The following MYBL2 variants were observed in gnomAD, a reference collection of about 807,000 sequenced individuals.
MYBL2 encodes the protein myb-related protein B.
A neutral mutation model predicts 79.9 loss-of-function variants in MYBL2; 28 were observed. The observed-to-expected ratio is 0.35, with a 90% CI of 0.26 to 0.48. The LOEUF (loss-of-function observed/expected upper bound fraction) is 0.48, where lower values mean the gene tolerates loss of function less well. MYBL2 is among the 20% of genes least tolerant of loss of function. MYBL2 has a pLI of 0.99. For missense variants in MYBL2, 735 were observed against 893.9 expected (o/e 0.82, Z 2.27); for synonymous variants, 378 against 361.2 (o/e 1.05, Z -0.53).
chr20:43,686,454 T>C (rs887830643), intron 4 of MYBL2, among the ~76,000 whole-genome samples: 1 of 152,162 alleles, frequency 6.6e-6, no homozygotes, highest in African/African-American at 2.4e-5. Context: ...AAAGTCTGTT[T>C]CCCACCTTTA....
intron 2 of MYBL2, among the ~76,000 whole-genome samples, chr20:43,679,329 G>A (rs1028057797): frequency 1.3e-5 from 2 of 152,172 alleles, no homozygotes; most frequent in Non-Finnish European, 2.9e-5. Flanking sequence ...AAATTTGTAT[G>A]TGTGACAAAA....
chr20:43,700,743 G>T (rs1987659806), intron 7 of MYBL2, among the ~76,000 whole-genome samples: 1 of 152,150 alleles, frequency 6.6e-6, no homozygotes, highest in Admixed American at 6.5e-5. Context: ...TTAACATACA[G>T]TCTGCGTGGT....
intron 6 of MYBL2, among the ~76,000 whole-genome samples, chr20:43,694,473 A>C (rs1404838406): frequency 6.6e-6 from 1 of 152,202 alleles, no homozygotes; most frequent in African/African-American, 2.4e-5. Flanking sequence ...CATGGTGTGA[A>C]CTATTTAATA....
chr20:43,690,291 C>T (rs1379427315), intron 5 of MYBL2, among the ~76,000 whole-genome samples: 3 of 151,844 alleles, frequency 2.0e-5, no homozygotes, highest in Non-Finnish European at 2.9e-5. Context: ...CTGCAACCTC[C>T]GCGTCCCAGG....
In MYBL2 at chr20:43,702,822, C is replaced by A. The variant is rs1316318814; in HGVS notation, c.1284C>A (p.Thr428=). ...VALSPVTENS[T]SLSFLDSCNS... is the part of the protein sequence containing the mutation. ...TGTCCCCTGTCACTGAGAATAGCAC[C>A]AGTCTGTCCTTCCTGGATTCCTGTA... Residue 428 remains threonine (T), a synonymous_variant, in exon 8 of 14, where the codon ACC becomes ACA. Transcript: ENST00000217026. The A allele has an allele frequency of 6.2e-7, 1 of 1,613,984 alleles. No individual in the cohort carries two copies. The highest frequency in any genetic ancestry group is 8.5e-7 in the Non-Finnish European group (1 of 1,179,866).
At chr20:43,691,442 C>T (rs1232690853) in intron 5 of MYBL2, among the ~76,000 whole-genome samples, 2 of 152,096 alleles carry the variant, frequency 1.3e-5, no homozygotes, top group African/African-American at 4.8e-5. Flanking sequence ...ATGCCTCAGA[C>T]TCCCAAGTAG....
At chr20:43,710,486 C>T (rs1196523645) in intron 10 of MYBL2, among the ~76,000 whole-genome samples, 1 of 152,216 alleles carries the variant, frequency 6.6e-6, no homozygotes, top group Non-Finnish European at 1.5e-5. Flanking sequence ...GGACGTCTTT[C>T]CTGCAGTGTG....
At chr20:43,684,000 C>T (rs971673962) in intron 4 of MYBL2, among the ~76,000 whole-genome samples, 2 of 152,050 alleles carry the variant, frequency 1.3e-5, no homozygotes, top group African/African-American at 4.8e-5. Flanking sequence ...ATAATCACGG[C>T]TCATTGCAGC....
intron 6 of MYBL2, among the ~76,000 whole-genome samples, chr20:43,699,436 A>G (rs1987631730): frequency 6.6e-6 from 1 of 152,206 alleles, no homozygotes; most frequent in African/African-American, 2.4e-5. Context: ...ACATAACCAC[A>G]ATAAAGTTAT....
chr20:43,689,357 T>C (rs1224183753), intron 5 of MYBL2, among the ~76,000 whole-genome samples: 1 of 152,160 alleles, frequency 6.6e-6, no homozygotes, highest in East Asian at 1.9e-4. Flanking sequence ...ACACTTGGGT[T>C]GGAAACTCTG....
chr20:43,680,618 C>A (rs1286799429), intron 2 of MYBL2, among the ~76,000 whole-genome samples: 1 of 152,122 alleles, frequency 6.6e-6, no homozygotes, highest in East Asian at 1.9e-4. Flanking sequence ...CCTCATCCTC[C>A]CGAGTAGCTG....
chr20:43,698,470 C>T (rs564708281), intron 6 of MYBL2, among the ~76,000 whole-genome samples: 4 of 144,340 alleles, frequency 2.8e-5, no homozygotes, highest in South Asian at 2.2e-4. Context: ...CTCCATCTTC[C>T]GGGTTCACAC....
At chr20:43,704,928 A>G (rs1192272937) in intron 8 of MYBL2, among the ~76,000 whole-genome samples, 1 of 152,184 alleles carries the variant, frequency 6.6e-6, no homozygotes, top group African/African-American at 2.4e-5. Flanking sequence ...ACTCTCCCAC[A>G]GTTGGCTTCC....
intron 2 of MYBL2, among the ~76,000 whole-genome samples, chr20:43,676,150 C>T (rs567886668): frequency 6.6e-6 from 1 of 152,160 alleles, no homozygotes; most frequent in South Asian, 2.1e-4. Context: ...AACTCCTGAC[C>T]TCAGGTGATC....
chr20:43,698,280 G>T (rs1057214783), intron 6 of MYBL2, among the ~76,000 whole-genome samples: 16 of 150,638 alleles, frequency 1.1e-4, no homozygotes, highest in African/African-American at 3.4e-4. Context: ...GAACTCCTGG[G>T]CTCAAGGGAT....
At chr20:43,705,490 G>T in intron 9 of MYBL2, 132 bp downstream of exon 9, 1 of 1,087,714 alleles carries the variant, frequency 9.2e-7, no homozygotes, top group South Asian at 2.6e-5. Flanking sequence ...TTTTAAGAAA[G>T]CCCTCTCCTT....
rs560719744 is a variant in MYBL2 at position 43,690,366 on chromosome 20, T to G, written c.501-1791T>G. ...GATTACAGGTATGCACCACCACGCC[T>G]GGCTAATTTTTGTATTTTTGGTAGA... On this transcript the variant is annotated intron_variant, in intron 5 of 13. Transcript: ENST00000217026. 3.2e-3 allele frequency among the ~76,000 whole-genome samples: 481 copies of G among 152,202 alleles called. 3 individuals carry two copies. Among genetic ancestry groups the G allele is most frequent in the Non-Finnish European group, 5.0e-3 (343 of 67,990 alleles).
intron 2 of MYBL2, among the ~76,000 whole-genome samples, chr20:43,675,761 T>TTGTGTG (rs34999422): frequency 0.026 from 3,781 of 148,178 alleles, 167 homozygotes; most frequent in African/African-American, 0.086. Context: ...TTTGGGGGCT[T>TTGTGTG]TGTGTGTGTG....
chr20:43,679,788 G>A (rs1461363901), intron 2 of MYBL2, among the ~76,000 whole-genome samples: 2 of 151,978 alleles, frequency 1.3e-5, no homozygotes, highest in African/African-American at 4.8e-5. Flanking sequence ...GTGTGTGTCT[G>A]TGGTCCCACC....
Sources: gnomAD v4.1 joint callset for allele counts (sites outside exome capture counted in the v4.1 genomes callset) on GRCh38, gnomAD v4.1.1 for gene constraint, MANE v1.5 for transcripts, NCBI Gene and HGNC (gene_info 2026-07-23, HGNC 2026-07-21) for gene names.